ACAD9: variants seen among roughly 807,000 people sequenced by gnomAD.
ACAD9 encodes the protein acyl-CoA dehydrogenase family member 9, also known as complex I assembly factor ACAD9, mitochondrial.
Under a neutral mutation model 70.2 loss-of-function variants are expected in ACAD9, and 53 were observed. The observed-to-expected ratio is 0.75, with a 90% confidence interval of 0.61 to 0.95. The LOEUF is 0.95. Among genes scored for constraint, ACAD9 ranks in the 40% least tolerant of loss-of-function variants. ACAD9 has a pLI of 0.00. For missense variants in ACAD9, 777 were observed against 802.8 expected (o/e 0.97, Z 0.39); for synonymous variants, 313 against 312.1 (o/e 1.00, Z -0.03).
At chr3:128,899,563 T>TGTGTGTG in intron 7 of ACAD9, 102 bp downstream of exon 7, 1 of 1,238,950 alleles carries the variant, frequency 8.1e-7, no homozygotes, top group Non-Finnish European at 1.1e-6. Flanking sequence ...TGTGTGTGTG[T>TGTGTGTG]AAGGGGGAGA....
Position 128,906,201 on chromosome 3 carries a change from T to C in ACAD9, c.1230T>C (p.Tyr410=), listed in dbSNP as rs1243971835. 6.2e-7 allele frequency: 1 copy of C among 1,614,166 alleles called. No homozygotes were observed. The highest frequency in any genetic ancestry group is 1.1e-5 in the South Asian group (1 of 91,084). Residue 410 remains tyrosine, a synonymous_variant, in exon 12 of 18, where the codon TAT becomes TAC. Transcript: ENST00000308982. ...GGGGCTTGGGCTACACAAGGGACTA[T>C]CCGTACGAGCGCATACTGCGTGACA... is the stretch of plus-strand genomic sequence containing the variant. ...ILGGLGYTRD[Y]PYERILRDTR... is the part of the protein sequence containing the mutation.
At chr3:128,885,407 T>C (rs1362863572) in intron 2 of ACAD9, among the ~76,000 whole-genome samples, 1 of 152,172 alleles carries the variant, frequency 6.6e-6, no homozygotes, top group Non-Finnish European at 1.5e-5. Context: ...ACTTTATTTT[T>C]TTGAGAAAGG....
chr3:128,885,086 G>GTTGTGGCAGTGTACAGTTGCTCTTA (rs1394912340), intron 2 of ACAD9, among the ~76,000 whole-genome samples: 3 of 152,238 alleles, frequency 2.0e-5, no homozygotes, highest in Admixed American at 2.0e-4. Flanking sequence ...TGTGTTGGTT[G>GTTGTGGCAGTGTACAGTTGCTCTTA]TTGTGGCAGT....
At chr3:128,888,935 G>T (rs1479350740) in intron 2 of ACAD9, among the ~76,000 whole-genome samples, 5 of 145,084 alleles carry the variant, frequency 3.4e-5, no homozygotes, top group African/African-American at 2.5e-5. Context: ...AGGAATAATT[G>T]ATTTACAATA....
In ACAD9 at chr3:128,899,381, C is replaced by G. The variant is rs368222811; in HGVS notation, c.728C>G (p.Thr243Arg). ...GATGGATCAGTGAAAGACAAAATCACAGCATTCATAGTAGAAAGAGACTTT... is the reference window on the plus strand; with the variant it reads ...GATGGATCAGTGAAAGACAAAATCAGAGCATTCATAGTAGAAAGAGACTTT... ...DSDGSVKDKI[T>R]AFIVERDFGG... Residue 243 changes from threonine (T) to arginine (R), a missense_variant, in exon 7 of 18, where the codon ACA (threonine) becomes AGA (arginine). Coordinates refer to ENST00000308982, the MANE Select transcript of ACAD9 (RefSeq NM_014049.5). The G allele has an allele frequency of 7.4e-6, 12 of 1,614,160 alleles. No homozygotes were observed. Among genetic ancestry groups the G allele is most frequent in the Non-Finnish European group, 1.0e-5 (12 of 1,180,060 alleles).
At chr3:128,894,735 A>G (rs1325367403) in intron 3 of ACAD9, among the ~76,000 whole-genome samples, 2 of 151,656 alleles carry the variant, frequency 1.3e-5, no homozygotes, top group Admixed American at 6.6e-5. Flanking sequence ...GGGTCCTGCT[A>G]TGTTGCCCAG....
At chr3:128,895,963 C>A (rs1486304576) in intron 4 of ACAD9, among the ~76,000 whole-genome samples, 1 of 152,248 alleles carries the variant, frequency 6.6e-6, no homozygotes, top group African/African-American at 2.4e-5. Flanking sequence ...AAGAGGGGGA[C>A]TGTCTTTGTG....
intron 13 of ACAD9, 91 bp downstream of exon 13, chr3:128,908,355 C>T (rs1457973308): frequency 8.2e-6 from 12 of 1,465,878 alleles, no homozygotes; most frequent in Non-Finnish European, 8.6e-6. Context: ...GCTGCCTTGA[C>T]CTGGAGTGGG....
rs907864564 is a variant in ACAD9 at position 128,908,314 on chromosome 3, A to G, written c.1358+50A>G. On this transcript the variant is annotated intron_variant, in intron 13 of 17. Coordinates refer to ENST00000308982, the MANE Select transcript of ACAD9 (RefSeq NM_014049.5). ...TTCTCAGGTCCCATACCTGCCCAGCAGGGGCCAGTCCAGGGCAGTGGGAGG... is the reference window on the plus strand; with the variant it reads ...TTCTCAGGTCCCATACCTGCCCAGCGGGGGCCAGTCCAGGGCAGTGGGAGG... The G allele has an allele frequency of 4.4e-6, 7 of 1,603,268 alleles. No homozygotes were observed. The Admixed American group carries it at 1.0e-4, about 23-fold the overall frequency.
intron 17 of ACAD9, among the ~76,000 whole-genome samples, chr3:128,911,080 G>T (rs1432845284): frequency 1.3e-5 from 2 of 152,238 alleles, no homozygotes; most frequent in African/African-American, 4.8e-5. Flanking sequence ...TTTCGAGATG[G>T]AGTTTCGCTC....
Position 128,879,891 on chromosome 3 carries a change from C to T in ACAD9, c.150+50C>T, listed in dbSNP as rs367760043. 2.0e-4 allele frequency: 326 copies of T among 1,613,194 alleles called. 1 individual carries two copies. The African/African-American group carries it at 3.7e-3, about 18-fold the overall frequency. On this transcript the variant is annotated intron_variant, in intron 1 of 17. Transcript: ENST00000308982. ...TTGCTGTCTGGCTCCCGCTTTTCAC[C>T]CTCAGCTGCAAGACTGGTGTTGAAC...
chr3:128,888,055 T>C (rs1249308946), intron 2 of ACAD9, among the ~76,000 whole-genome samples: 4 of 152,276 alleles, frequency 2.6e-5, no homozygotes, highest in Non-Finnish European at 5.9e-5. Context: ...GCACAAATAT[T>C]GCTGGAAATC....
chr3:128,899,520 G>A, intron 7 of ACAD9, 59 bp downstream of exon 7: 2 of 1,546,378 alleles, frequency 1.3e-6, no homozygotes, highest in Non-Finnish European at 1.8e-6. Flanking sequence ...ACTGGCCTTT[G>A]ACGGTGTGTG....
rs780465878 is a variant in ACAD9, at chr3:128,906,221, G to A, written c.1250G>A (p.Arg417His). 8.1e-6 allele frequency: 13 copies of A among 1,614,174 alleles called. No individual in the cohort carries two copies. The highest frequency in any genetic ancestry group is 1.1e-5 in the Non-Finnish European group (13 of 1,180,052). ...TRDYPYERILRDTRILLIFEG... is the reference protein window; with the variant it reads ...TRDYPYERILHDTRILLIFEG... Reference sequence around the variant, plus strand: ...GACTATCCGTACGAGCGCATACTGCGTGACACCCGCATCCTCCTCATCTTC... The same window carrying A: ...GACTATCCGTACGAGCGCATACTGCATGACACCCGCATCCTCCTCATCTTC... The change falls in exon 12 of 18, where the codon CGT becomes CAT. Residue 417 changes from arginine to histidine, a missense_variant. Transcript: ENST00000308982.
At chr3:128,909,239 A>G in intron 14 of ACAD9, 105 bp from the exon 15 acceptor site, 1 of 1,597,998 alleles carries the variant, frequency 6.3e-7, no homozygotes, top group Non-Finnish European at 8.6e-7. Flanking sequence ...GACACCCTGG[A>G]TTGCTTCCCC....
At chr3:128,908,950 A>G in intron 13 of ACAD9, 23 bp from the exon 14 acceptor site, 1 of 1,614,024 alleles carries the variant, frequency 6.2e-7, no homozygotes, top group African/African-American at 1.3e-5. Context: ...GCCTCCAGTC[A>G]CAGGACCATG....
intron 3 of ACAD9, among the ~76,000 whole-genome samples, chr3:128,894,532 GC>G (rs1447806737): frequency 6.7e-6 from 1 of 148,892 alleles, no homozygotes; most frequent in Non-Finnish European, 1.5e-5. Flanking sequence ...AAGATTGCGA[GC>G]TTTTTTTTTT....
intron 2 of ACAD9, 91 bp from the exon 3 acceptor site, chr3:128,893,464 A>T: frequency 9.8e-7 from 1 of 1,018,804 alleles, no homozygotes; most frequent in Non-Finnish European, 1.5e-6. Flanking sequence ...CTCTGGGATT[A>T]TATATGATTA....
chr3:128,902,533 T>G lies in ACAD9; in HGVS notation c.883-20T>G. 1 of 1,614,000 alleles carries G rather than the reference T, an allele frequency of 6.2e-7. No individual in the cohort carries two copies. Among genetic ancestry groups the G allele is most frequent in the Non-Finnish European group, 8.5e-7 (1 of 1,179,900 alleles). ...TCTGCCTCCTTCAGGGCCCCTGGGC[T>G]CTCCCTGTTCTCCCTGCAGGTGGCC... On this transcript the variant is annotated intron_variant, in intron 8 of 17. Transcript: ENST00000308982. The surrounding 1 kb of genome is among the most constrained non-coding windows in gnomAD (Gnocchi z 4.0).
Sources: allele counts gnomAD v4.1 joint callset (sites outside exome capture counted in the v4.1 genomes callset), GRCh38; gene constraint gnomAD v4.1.1; non-coding constraint Gnocchi (gnomAD v3.1); transcripts MANE v1.5; gene names NCBI Gene and HGNC (gene_info 2026-07-23, HGNC 2026-07-21).